The following MYB variants were observed in gnomAD, a reference collection of about 807,000 sequenced individuals.
MYB encodes transcriptional activator Myb.
MYB carries 28 observed loss-of-function variants against 92.9 expected under a neutral mutation model. That is an observed-to-expected ratio of 0.30 (90% CI 0.22 to 0.41). The LOEUF (loss-of-function observed/expected upper bound fraction) is 0.41. MYB is among the 10% of genes least tolerant of loss of function. MYB has a pLI of 1.00. For synonymous variants in MYB, 295 were observed against 329.1 expected (o/e 0.90, Z 1.12); for missense variants, 679 against 929.3 (o/e 0.73, Z 3.50).
At position 135,195,735 on chromosome 6, in the gene MYB, C is replaced by G; in HGVS notation, c.949-13C>G. On this transcript the variant is annotated splice_polypyrimidine_tract_variant and intron_variant, in intron 8 of 15. Coordinates refer to ENST00000341911, the MANE Select transcript of MYB (RefSeq NM_001130173.2). ...GTCCTCTCTTTATTTCTACACCCTTCCCCCTTCCTTAGACACAGAACCACA... is the reference window on the plus strand; with the variant it reads ...GTCCTCTCTTTATTTCTACACCCTTGCCCCTTCCTTAGACACAGAACCACA... The G allele has an allele frequency of 6.2e-7, 1 of 1,613,288 alleles. No individual in the cohort carries two copies. The highest frequency in any genetic ancestry group is 8.5e-7 in the Non-Finnish European group (1 of 1,179,264).
intron 8 of MYB, chr6:135,194,985 A>G (rs1172748860): frequency 7.5e-7 from 1 of 1,340,366 alleles, no homozygotes; most frequent in Non-Finnish European, 9.8e-7. Flanking sequence ...CTGAATTCTG[A>G]CATCTTTAGC....
intron 15 of MYB, among the ~76,000 whole-genome samples, chr6:135,206,694 TCAAA>T (rs1296705176): frequency 6.6e-6 from 1 of 152,154 alleles, no homozygotes; most frequent in Non-Finnish European, 1.5e-5. Flanking sequence ...AGACTCTATC[TCAAA>T]CAAACAAACA....
chr6:135,181,654 T>G lies in MYB; in HGVS notation c.23+118T>G, dbSNP rs1433942996. 1.5e-6 allele frequency: 1 copy of G among 664,434 alleles called. No homozygotes were observed. The highest frequency in any genetic ancestry group is 2.0e-6 in the Non-Finnish European group (1 of 504,824). 41.2% of individuals were successfully genotyped at this position (664,434 alleles called of 1,614,324 possible). A position where few individuals can be genotyped will look rare whatever the true frequency, so the allele number is the denominator to read the frequency against. On this transcript the variant is annotated intron_variant, in intron 1 of 15. Transcript: ENST00000341911. The surrounding 1 kb of genome is among the most constrained non-coding windows in gnomAD (Gnocchi z 5.3). ...GATCATCTGAGGGGCTGTCAGACCCTCCGAGGACCTGGAGCCCCTGCCTCG... is the reference window on the plus strand; with the variant it reads ...GATCATCTGAGGGGCTGTCAGACCCGCCGAGGACCTGGAGCCCCTGCCTCG...
At chr6:135,209,519 C>T (rs566994656) in intron 15 of MYB, among the ~76,000 whole-genome samples, 1 of 152,344 alleles carries the variant, frequency 6.6e-6, no homozygotes, top group African/African-American at 2.4e-5. Flanking sequence ...CAGGCGTGAG[C>T]TGCCACACCT....
chr6:135,210,824 G>T (rs1779604615), intron 15 of MYB, among the ~76,000 whole-genome samples: 1 of 152,214 alleles, frequency 6.6e-6, no homozygotes, highest in Non-Finnish European at 1.5e-5. Context: ...CTATACACAG[G>T]TGATATTATT....
chr6:135,201,960 T>C (rs530897552), intron 14 of MYB, among the ~76,000 whole-genome samples: 8 of 152,366 alleles, frequency 5.3e-5, no homozygotes, highest in Admixed American at 4.6e-4. Context: ...TTGCAGACTT[T>C]TTCATTATTT....
intron 2 of MYB, 103 bp from the exon 3 acceptor site, chr6:135,187,731 T>G (rs1776108627): frequency 1.5e-6 from 1 of 681,958 alleles, no homozygotes; most frequent in Non-Finnish European, 2.5e-6. Flanking sequence ...TCGGATACTT[T>G]AGAGAGACTT....
chr6:135,192,891 T>C (rs1017708231), intron 6 of MYB, among the ~76,000 whole-genome samples: 3 of 152,224 alleles, frequency 2.0e-5, no homozygotes, highest in Non-Finnish European at 2.9e-5. Flanking sequence ...AAGGTACTAT[T>C]GAAGAATAGG....
chr6:135,184,821 A>C (rs2128282809), intron 1 of MYB, among the ~76,000 whole-genome samples: 1 of 152,298 alleles, frequency 6.6e-6, no homozygotes, highest in East Asian at 1.9e-4. Context: ...ATTTTAGTGA[A>C]GTTTCTAAGA....
At chr6:135,214,467 C>G (rs559655954) in intron 15 of MYB, among the ~76,000 whole-genome samples, 1 of 152,180 alleles carries the variant, frequency 6.6e-6, no homozygotes, top group Admixed American at 6.5e-5. Flanking sequence ...CCATTTGTTT[C>G]AAGTATTTTT....
chr6:135,211,158 C>G (rs1265053871), intron 15 of MYB, among the ~76,000 whole-genome samples: 1 of 149,482 alleles, frequency 6.7e-6, no homozygotes, highest in Non-Finnish European at 1.5e-5. Flanking sequence ...CGTCTGCACA[C>G]GACAGAGATC....
rs1289082076 is a variant in MYB at position 135,181,656 on chromosome 6, C to G, written c.23+120C>G. The G allele has an allele frequency of 1.5e-5, 10 of 653,034 alleles. No individual in the cohort carries two copies. Among genetic ancestry groups the G allele is most frequent in the Non-Finnish European group, 1.8e-5 (9 of 494,920 alleles). 40.5% of individuals were successfully genotyped at this position (653,034 alleles called of 1,614,324 possible). The stretch of plus-strand genomic sequence containing the variant: ...TCATCTGAGGGGCTGTCAGACCCTC[C>G]GAGGACCTGGAGCCCCTGCCTCGGC... On this transcript the variant is annotated intron_variant, in intron 1 of 15. Coordinates refer to ENST00000341911, the MANE Select transcript of MYB (RefSeq NM_001130173.2). This position sits in a 1 kb window ranked among gnomAD's most constrained non-coding sequence, Gnocchi z 5.3.
chr6:135,199,409 G>A (rs955395338), intron 11 of MYB: 1 of 296,614 alleles, frequency 3.4e-6, no homozygotes, highest in African/African-American at 2.3e-5. Context: ...TTCAGAATAA[G>A]AACGAGTATG....
intron 2 of MYB, among the ~76,000 whole-genome samples, chr6:135,187,127 GA>G (rs1776025103): frequency 6.6e-6 from 1 of 152,190 alleles, no homozygotes; most frequent in African/African-American, 2.4e-5. Context: ...ACATAAGAAG[GA>G]ATGCATTTAT....
intron 8 of MYB, chr6:135,195,122 T>A: frequency 8.0e-7 from 1 of 1,242,770 alleles, no homozygotes; most frequent in East Asian, 5.7e-5. Context: ...TGTTAAATAA[T>A]AAGATGTTTA....
intron 11 of MYB, chr6:135,199,472 T>A: frequency 1.9e-6 from 1 of 536,292 alleles, no homozygotes; most frequent in Non-Finnish European, 2.6e-6. Flanking sequence ...ATTATTTATT[T>A]ATTTTTAGTT....
At chr6:135,188,316 A>G (rs1350791667) in intron 3 of MYB, among the ~76,000 whole-genome samples, 2 of 151,990 alleles carry the variant, frequency 1.3e-5, no homozygotes, top group Non-Finnish European at 2.9e-5. Context: ...TTGACTTATC[A>G]CATTCCCCCA....
chr6:135,194,042 G>T (rs1459132358), intron 7 of MYB, 124 bp downstream of exon 7: 1 of 751,134 alleles, frequency 1.3e-6, no homozygotes, highest in East Asian at 2.6e-5. Context: ...GGAGAGGAGA[G>T]CAGAGTCTTG....
At position 135,200,292 on chromosome 6, in the gene MYB, T is replaced by C. The variant is rs762001375; in HGVS notation, c.1827T>C (p.Pro609=). 5 of 1,614,046 alleles carry C rather than the reference T, an allele frequency of 3.1e-6. No homozygotes were observed. The highest frequency in any genetic ancestry group is 1.7e-5 in the Admixed American group (1 of 60,002). The change falls in exon 13 of 16, where the codon CCT becomes CCC. Residue 609 remains proline (P), a splice_region_variant and synonymous_variant. Coordinates refer to ENST00000341911, the MANE Select transcript of MYB (RefSeq NM_001130173.2). ...AAAATACCCACTCTTCCGTTTAGCCTCAGACACCCTCTCATCTAGTAGAAG... is the reference window on the plus strand; with the variant it reads ...AAAATACCCACTCTTCCGTTTAGCCCCAGACACCCTCTCATCTAGTAGAAG... ...EIKYGPLKML[P]QTPSHLVEDL...
Sources: gnomAD v4.1 joint callset for allele counts (sites outside exome capture counted in the v4.1 genomes callset) on GRCh38, gnomAD v4.1.1 for gene constraint, Gnocchi (gnomAD v3.1) non-coding constraint, MANE v1.5 for transcripts, NCBI Gene and HGNC (gene_info 2026-07-23, HGNC 2026-07-21) for gene names.